Variants in TXNRD2 observed in about 807,000 individuals in gnomAD.
TXNRD2 encodes thioredoxin reductase 2, mitochondrial.
In TXNRD2, 67 loss-of-function variants were observed where a neutral mutation model predicts 70.8. The observed-to-expected ratio is 0.95, with a 90% confidence interval of 0.78 to 1.16. The LOEUF (loss-of-function observed/expected upper bound fraction) is 1.16, where lower values mean the gene tolerates loss of function less well. Among genes scored for constraint, TXNRD2 ranks in the 50% most tolerant of loss-of-function variants. TXNRD2 has a pLI of 0.00. For missense variants in TXNRD2, 644 were observed against 719.9 expected (o/e 0.89, Z 1.21); for synonymous variants, 301 against 295.8 (o/e 1.02, Z -0.18).
intron 2 of TXNRD2, among the ~76,000 whole-genome samples, chr22:19,924,709 T>C (rs1399291815): frequency 6.6e-6 from 1 of 152,088 alleles, no homozygotes; most frequent in Non-Finnish European, 1.5e-5. Context: ...AACATAGGAA[T>C]AGAAACTATC....
At chr22:19,913,272 A>G (rs1601444366) in intron 7 of TXNRD2, among the ~76,000 whole-genome samples, 1 of 152,202 alleles carries the variant, frequency 6.6e-6, no homozygotes, top group East Asian at 1.9e-4. Context: ...TTGCAGCAAC[A>G]CAGGGAACAT....
intron 11 of TXNRD2, among the ~76,000 whole-genome samples, chr22:19,886,862 C>T (rs1297873877): frequency 6.6e-6 from 1 of 152,212 alleles, no homozygotes; most frequent in Non-Finnish European, 1.5e-5. Context: ...GCTCTGCTTC[C>T]TAGACACCAC....
In TXNRD2 at chr22:19,881,067, A is replaced by G. The variant is rs1291284221; in HGVS notation, c.1087-350T>C. ...GGGCTGCCCCATGACCAAGCTCAAA[A>G]GAGCCCCTGCTACCGTTTTCATTCA... On this transcript the variant is annotated intron_variant, in intron 12 of 17. Transcript: ENST00000400521. 6.4e-6 allele frequency: 3 copies of G among 466,358 alleles called. No individual in the cohort carries two copies. In the East Asian group the frequency reaches 9.4e-5, roughly 15 times the overall value. 28.9% of individuals were successfully genotyped at this position (466,358 alleles called of 1,614,324 possible). A position where few individuals can be genotyped will look rare whatever the true frequency, so the allele number is the denominator to read the frequency against.
intron 11 of TXNRD2, chr22:19,895,013 C>G: frequency 6.5e-7 from 1 of 1,529,648 alleles, no homozygotes; most frequent in African/African-American, 1.4e-5. Flanking sequence ...AGACTTAAAC[C>G]TGGAAGGTGA....
In TXNRD2 at chr22:19,915,017, C is replaced by T. The variant is rs183842435; in HGVS notation, c.591+197G>A. The T allele has an allele frequency of 1.9e-3, 1,140 of 599,026 alleles. 18 individuals carry two copies. Among genetic ancestry groups the T allele is most frequent in the South Asian group, 0.014 (784 of 56,238 alleles). 37.1% of individuals were successfully genotyped at this position (599,026 alleles called of 1,614,324 possible). A position where few individuals can be genotyped will look rare whatever the true frequency, so the allele number is the denominator to read the frequency against. ...GAGAGCTGTCCTGAGGATCTGGCAG[C>T]GTGGAGGCCACTGGGGACCCCACAT... is the stretch of plus-strand genomic sequence containing the variant. On this transcript the variant is annotated intron_variant, in intron 7 of 17. Transcript: ENST00000400521.
rs948473468 is a variant in TXNRD2, at chr22:19,941,557, A to G, written c.103+144T>C. On this transcript the variant is annotated intron_variant, in intron 1 of 17. Coordinates refer to ENST00000400521, the MANE Select transcript of TXNRD2 (RefSeq NM_006440.5). ...TAGAAGCAGCCCGGACTCCTGAGCA[A>G]GACTAGACCAAGAGGCCGGTATGTG... 5.0e-5 allele frequency: 65 copies of G among 1,289,848 alleles called. No homozygotes were observed. The African/African-American group carries it at 9.3e-4, about 18-fold the overall frequency. 79.9% of individuals were successfully genotyped at this position (1,289,848 alleles called of 1,614,324 possible). A position where few individuals can be genotyped will look rare whatever the true frequency, so the allele number is the denominator to read the frequency against.
chr22:19,876,855 T>G, intron 17 of TXNRD2, 185 bp downstream of exon 17: 1 of 405,220 alleles, frequency 2.5e-6, no homozygotes, highest in South Asian at 7.1e-5. Context: ...CCCGGGGAGG[T>G]TTGGGCCCCT....
At chr22:19,933,554 G>A in intron 1 of TXNRD2, 2 of 1,270,032 alleles carry the variant, frequency 1.6e-6, no homozygotes, top group Middle Eastern at 2.7e-4. Context: ...GCAGCTGTCT[G>A]TATGGATGTG....
chr22:19,902,310 T>C (rs1939812587), intron 8 of TXNRD2, among the ~76,000 whole-genome samples: 1 of 152,212 alleles, frequency 6.6e-6, no homozygotes, highest in African/African-American at 2.4e-5. Context: ...ATGAGCCTAA[T>C]CACAGGGCAG....
rs375369760 is a variant in TXNRD2, at chr22:19,931,964, T to G, written c.104-866A>C. ...TCACAAGGTTAGGAGATCGAGACCA[T>G]CCTGGCTAACACAGTGAAACCCCGT... is the stretch of plus-strand genomic sequence containing the variant. On this transcript the variant is annotated intron_variant, in intron 1 of 17. Coordinates refer to ENST00000400521, the MANE Select transcript of TXNRD2 (RefSeq NM_006440.5). 2.5e-4 allele frequency among the ~76,000 whole-genome samples: 38 copies of G among 151,778 alleles called. No homozygotes were observed. In the East Asian group the frequency reaches 5.3e-3, roughly 21 times the overall value.
chr22:19,903,557 G>A (rs1170278983), intron 8 of TXNRD2, among the ~76,000 whole-genome samples: 1 of 152,260 alleles, frequency 6.6e-6, no homozygotes, highest in South Asian at 2.1e-4. Context: ...GCCGGGTGCG[G>A]AGGCTTCCCG....
At chr22:19,892,986 C>T (rs759935260) in intron 11 of TXNRD2, among the ~76,000 whole-genome samples, 2 of 152,220 alleles carry the variant, frequency 1.3e-5, no homozygotes, top group South Asian at 2.1e-4. Flanking sequence ...AAGAGCCCTG[C>T]GTGCGCTCAG....
chr22:19,937,276 C>A (rs549247018), intron 1 of TXNRD2, among the ~76,000 whole-genome samples: 2 of 152,140 alleles, frequency 1.3e-5, no homozygotes, highest in African/African-American at 4.8e-5. Context: ...GCTCTCACCA[C>A]GGAACAAGTA....
At position 19,933,529 on chromosome 22, in the gene TXNRD2, T is replaced by C; in HGVS notation, c.104-2431A>G. ...CTCGCACTGTGCCCCCTCTGTCTGCTATCAGGCAGGGTGAGCAGCTGTCTG... is the reference window on the plus strand; with the variant it reads ...CTCGCACTGTGCCCCCTCTGTCTGCCATCAGGCAGGGTGAGCAGCTGTCTG... On this transcript the variant is annotated intron_variant, in intron 1 of 17. Coordinates refer to ENST00000400521, the MANE Select transcript of TXNRD2 (RefSeq NM_006440.5). The C allele has an allele frequency of 3.9e-6, 5 of 1,288,242 alleles. No homozygotes were observed. The South Asian group carries it at 6.2e-5, about 16-fold the overall frequency. The allele number at this position is 1,288,242 out of a possible 1,614,324, so 79.8% of individuals were successfully genotyped here. A position where few individuals can be genotyped will look rare whatever the true frequency, so the allele number is the denominator to read the frequency against.
In TXNRD2 at chr22:19,918,928, C is replaced by A; in HGVS notation, c.306G>T (p.Leu102=). ...GGGCATCTTGGATCAGGCCTCCCAG[C>A]AGTGCCGCCTGGTGCATCAGCTTCT... is the stretch of plus-strand genomic sequence containing the variant. ...IPKKLMHQAA[L]LGGLIQDAPN... Residue 102 remains leucine (L), a synonymous_variant, in exon 4 of 18, where the codon CTG becomes CTT. Transcript: ENST00000400521. 6.2e-7 allele frequency: 1 copy of A among 1,613,074 alleles called. No homozygotes were observed. The highest frequency in any genetic ancestry group is 8.5e-7 in the Non-Finnish European group (1 of 1,180,000).
At chr22:19,886,670 G>A (rs905365256) in intron 11 of TXNRD2, among the ~76,000 whole-genome samples, 5 of 152,226 alleles carry the variant, frequency 3.3e-5, no homozygotes, top group East Asian at 1.9e-4. Context: ...GGTGTCTTTC[G>A]CCCTGCATGT....
At chr22:19,905,081 A>G (rs1314280473) in intron 8 of TXNRD2, among the ~76,000 whole-genome samples, 1 of 152,228 alleles carries the variant, frequency 6.6e-6, no homozygotes, top group Non-Finnish European at 1.5e-5. Flanking sequence ...ACTGCAGCAG[A>G]GGAATGTAAC....
chr22:19,896,009 T>C (rs1192001227), intron 10 of TXNRD2, among the ~76,000 whole-genome samples: 1 of 130,646 alleles, frequency 7.7e-6, no homozygotes, highest in Non-Finnish European at 1.6e-5. Flanking sequence ...AAAGAAAAAA[T>C]AAGCAAGGCC....
At chr22:19,899,158 G>A (rs1939657483) in intron 8 of TXNRD2, 90 bp from the exon 9 acceptor site, 1 of 1,564,926 alleles carries the variant, frequency 6.4e-7, no homozygotes. Context: ...CCTTTGCCCA[G>A]GCCCTTGGTC....
Sources: gnomAD v4.1 joint callset for allele counts (sites outside exome capture counted in the v4.1 genomes callset) on GRCh38, gnomAD v4.1.1 for gene constraint, MANE v1.5 for transcripts, NCBI Gene and HGNC (gene_info 2026-07-23, HGNC 2026-07-21) for gene names.